CRACD: variants seen among roughly 807,000 people sequenced by gnomAD.
The protein encoded by CRACD is capping protein inhibiting regulator of actin dynamics.
A neutral mutation model predicts 106.8 loss-of-function variants in CRACD; 56 were observed. That is an observed-to-expected ratio of 0.52 (90% CI 0.42 to 0.66). The LOEUF (loss-of-function observed/expected upper bound fraction) is 0.66. Ranked by LOEUF, CRACD falls within the 30% of genes least tolerant of loss-of-function variation. The pLI is 0.00. For synonymous variants in CRACD, 754 were observed against 670.8 expected, an observed-to-expected ratio of 1.12 and a Z score of -1.92; for missense variants, 1,730 against 1,623.2, an observed-to-expected ratio of 1.07 and a Z score of -1.13.
chr4:56,194,498 C>T (rs1046199096), intron 2 of CRACD, among the ~76,000 whole-genome samples: 3 of 152,164 alleles, frequency 2.0e-5, no homozygotes, highest in African/African-American at 7.2e-5. Context: ...TGCATCCCCC[C>T]CTGAAATTCA....
chr4:56,206,673 G>T (rs1484417973), intron 2 of CRACD, among the ~76,000 whole-genome samples: 1 of 152,140 alleles, frequency 6.6e-6, no homozygotes, highest in Admixed American at 6.6e-5. Flanking sequence ...GTTTGGTTTT[G>T]TCTGTCGGGG....
intron 3 of CRACD, among the ~76,000 whole-genome samples, chr4:56,296,546 C>T (rs1328860191): frequency 6.6e-6 from 1 of 152,088 alleles, no homozygotes; most frequent in Admixed American, 6.6e-5. Flanking sequence ...GTACAGCTGC[C>T]CCAGGACCTT....
At position 56,314,668 on chromosome 4, in the gene CRACD, C is replaced by T; in HGVS notation, c.1166C>T (p.Thr389Ile). ...GGGCCGCCCGAGGCGTTGGAGGAGA[C>T]TGGGGAGGGCCGGCGGGGCGCGGAG... ...VQGPPEALEE[T>I]GEGRRGAEEE... The change falls in exon 8 of 11, where the codon ACT becomes ATT. Residue 389 changes from threonine to isoleucine, a missense_variant. Thr to Ile is a moderately conservative substitution (Grantham distance 89, BLOSUM62 -1). Transcript: ENST00000682029. This position sits in a 1 kb window ranked among gnomAD's most constrained non-coding sequence, Gnocchi z 4.4. The T allele has an allele frequency of 6.5e-7, 1 of 1,548,554 alleles. No homozygotes were observed. Among genetic ancestry groups the T allele is most frequent in the Non-Finnish European group, 8.7e-7 (1 of 1,146,180 alleles).
intron 1 of CRACD, among the ~76,000 whole-genome samples, chr4:56,079,872 G>C (rs1732965029): frequency 6.6e-6 from 1 of 152,068 alleles, no homozygotes; most frequent in Admixed American, 6.6e-5. Flanking sequence ...TTTACCATTG[G>C]GCCAGTTTAA....
At chr4:56,214,545 T>C (rs1205401827) in intron 2 of CRACD, among the ~76,000 whole-genome samples, 2 of 150,704 alleles carry the variant, frequency 1.3e-5, no homozygotes, top group African/African-American at 2.4e-5. Flanking sequence ...TCAGCTGAGA[T>C]TGCACCGTTG....
At chr4:56,079,578 TG>T (rs1732956775) in intron 1 of CRACD, among the ~76,000 whole-genome samples, 1 of 151,972 alleles carries the variant, frequency 6.6e-6, no homozygotes, top group South Asian at 2.1e-4. Flanking sequence ...CCCGAGTAGC[TG>T]GGACTACAGG....
intron 2 of CRACD, among the ~76,000 whole-genome samples, chr4:56,239,120 G>C (rs958429869): frequency 6.6e-6 from 1 of 152,004 alleles, no homozygotes; most frequent in Non-Finnish European, 1.5e-5. Context: ...TGGTGAAACT[G>C]CGTCTCTACT....
intron 8 of CRACD, among the ~76,000 whole-genome samples, chr4:56,319,723 C>T (rs775952943): frequency 6.6e-6 from 1 of 152,148 alleles, no homozygotes. Context: ...TTTCCTGTGA[C>T]GTACGCAACC....
chr4:56,266,928 T>A (rs1215007015), intron 2 of CRACD, among the ~76,000 whole-genome samples: 1 of 152,184 alleles, frequency 6.6e-6, no homozygotes, highest in Non-Finnish European at 1.5e-5. Flanking sequence ...AATTGGGGAA[T>A]CAAATAAGAG....
chr4:56,127,693 A>T (rs1393929502), intron 1 of CRACD, among the ~76,000 whole-genome samples: 2 of 152,200 alleles, frequency 1.3e-5, no homozygotes, highest in Admixed American at 6.5e-5. Context: ...CTCATGAGAT[A>T]GATGTCTGGG....
intron 1 of CRACD, among the ~76,000 whole-genome samples, chr4:56,092,532 G>A (rs768863271): frequency 2.6e-4 from 39 of 152,050 alleles, no homozygotes; most frequent in Non-Finnish European, 5.1e-4. Context: ...ATAGTATTTT[G>A]GGTACATTGG....
At chr4:56,281,519 C>T (rs1445396222) in intron 3 of CRACD, among the ~76,000 whole-genome samples, 1 of 150,416 alleles carries the variant, frequency 6.6e-6, no homozygotes, top group African/African-American at 2.5e-5. Flanking sequence ...CTGTGTGACC[C>T]TCACCTAGCT....
At chr4:56,301,627 G>C (rs76785908) in intron 4 of CRACD, among the ~76,000 whole-genome samples, 144 of 152,074 alleles carry the variant, frequency 9.5e-4, no homozygotes, top group African/African-American at 3.4e-3. Context: ...GAGACCCACG[G>C]AAGGGTGTCT....
chr4:56,145,560 CTT>C (rs1165669682), intron 1 of CRACD, among the ~76,000 whole-genome samples: 1 of 151,982 alleles, frequency 6.6e-6, no homozygotes, highest in East Asian at 1.9e-4. Flanking sequence ...TAATAAATCT[CTT>C]TGTTTTCTAA....
intron 3 of CRACD, among the ~76,000 whole-genome samples, chr4:56,274,390 AC>A (rs1227050501): frequency 1.3e-5 from 2 of 152,178 alleles, no homozygotes; most frequent in Non-Finnish European, 2.9e-5. Context: ...TGGAAACACA[AC>A]CCATCCTTTT....
At chr4:56,300,919 C>G (rs1744332031) in intron 4 of CRACD, among the ~76,000 whole-genome samples, 1 of 152,188 alleles carries the variant, frequency 6.6e-6, no homozygotes, top group Admixed American at 6.5e-5. Context: ...AAATGACTAA[C>G]TTCCCCGAAG....
At chr4:56,147,373 A>G (rs1431806054) in intron 1 of CRACD, among the ~76,000 whole-genome samples, 3 of 152,224 alleles carry the variant, frequency 2.0e-5, no homozygotes, top group Non-Finnish European at 4.4e-5. Flanking sequence ...GAACATTTTC[A>G]TCATCTGGAA....
intron 1 of CRACD, among the ~76,000 whole-genome samples, chr4:56,088,708 G>A (rs946961421): frequency 2.2e-4 from 34 of 151,366 alleles, no homozygotes; most frequent in African/African-American, 8.0e-4. Flanking sequence ...TTGAATAATT[G>A]AACAAATTAT....
At chr4:56,307,840 T>C (rs1177846283) in intron 5 of CRACD, 141 bp downstream of exon 5, 3 of 763,648 alleles carry the variant, frequency 3.9e-6, no homozygotes, top group Admixed American at 2.6e-5. Flanking sequence ...GGGCACTTCC[T>C]GGTAGGTGTC....
Sources: allele counts gnomAD v4.1 joint callset (sites outside exome capture counted in the v4.1 genomes callset), GRCh38; gene constraint gnomAD v4.1.1; non-coding constraint Gnocchi (gnomAD v3.1); transcripts MANE v1.5; gene names NCBI Gene and HGNC (gene_info 2026-07-23, HGNC 2026-07-21).